Variants in HSPA14 observed in about 807,000 individuals in gnomAD.
HSPA14 encodes the protein heat shock 70 kDa protein 14.
Under a neutral mutation model 65.5 loss-of-function variants are expected in HSPA14, and 37 were observed. That is an observed-to-expected ratio of 0.56 (90% CI 0.43 to 0.74). The LOEUF (loss-of-function observed/expected upper bound fraction) is 0.74. Among genes scored for constraint, HSPA14 ranks in the 30% least tolerant of loss-of-function variants. The pLI is 0.00. For synonymous variants in HSPA14, 203 were observed against 214.2 expected (o/e 0.95, Z 0.46); for missense variants, 564 against 607.6 (o/e 0.93, Z 0.75).
intron 10 of HSPA14, among the ~76,000 whole-genome samples, chr10:14,866,653 T>C (rs1220992233): frequency 6.6e-6 from 1 of 152,198 alleles, no homozygotes; most frequent in Non-Finnish European, 1.5e-5. Context: ...AATAAGTTTA[T>C]GGCATAGTTT....
intron 3 of HSPA14, chr10:14,846,420 C>A: frequency 6.1e-6 from 6 of 985,154 alleles, no homozygotes; most frequent in Non-Finnish European, 7.2e-6. Flanking sequence ...GGTAAAGTAA[C>A]CCTAATGTGG....
rs748227134 is a variant in HSPA14, at chr10:14,852,447, T to G, written c.650T>G (p.Val217Gly). 1.9e-6 allele frequency: 3 copies of G among 1,613,908 alleles called. No individual in the cohort carries two copies. Among genetic ancestry groups the G allele is most frequent in the Non-Finnish European group, 2.5e-6 (3 of 1,179,812 alleles). ...GAAGTTAACAGTGGAATATATCGGG[T>G]TCTTTCAACAAACACTGATGATAAC... The part of the protein sequence containing the change: ...VMEVNSGIYR[V>G]LSTNTDDNIG... Residue 217 changes from valine to glycine, a missense_variant, in exon 8 of 14, where the codon GTT (valine) becomes GGT (glycine). Physicochemically the swap from Val to Gly is moderately radical, Grantham distance 109. Coordinates refer to ENST00000378372, the MANE Select transcript of HSPA14 (RefSeq NM_016299.4).
intron 10 of HSPA14, among the ~76,000 whole-genome samples, chr10:14,865,202 T>A (rs1832794617): frequency 6.6e-6 from 1 of 152,198 alleles, no homozygotes; most frequent in South Asian, 2.1e-4. Flanking sequence ...GTTTGAGTTC[T>A]TTGTAGATTG....
In HSPA14 at chr10:14,842,704, A is replaced by G; in HGVS notation, c.221+2547A>G. ...GGGAAGAGGGAACCGGCATTCTAAA[A>G]TCAAAAAGGACTCAGGCAGCTGATC... On this transcript the variant is annotated intron_variant, in intron 3 of 13. Transcript: ENST00000378372. The surrounding 1 kb of genome is among the most constrained non-coding windows in gnomAD (Gnocchi z 5.2). 1 of 1,536,480 alleles carries G rather than the reference A, an allele frequency of 6.5e-7. No homozygotes were observed. Among genetic ancestry groups the G allele is most frequent in the Non-Finnish European group, 8.7e-7 (1 of 1,146,994 alleles).
Position 14,842,624 on chromosome 10 carries a change from G to A in HSPA14, c.221+2467G>A. On this transcript the variant is annotated intron_variant, in intron 3 of 13. Coordinates refer to ENST00000378372, the MANE Select transcript of HSPA14 (RefSeq NM_016299.4). The surrounding 1 kb of genome is among the most constrained non-coding windows in gnomAD (Gnocchi z 5.2). ...GACTGACCCAGACAACTTAATGGAGGATGCTGCTTGGGCCAAGCACTGTGA... is the reference window on the plus strand; with the variant it reads ...GACTGACCCAGACAACTTAATGGAGAATGCTGCTTGGGCCAAGCACTGTGA... 6.5e-7 allele frequency: 1 copy of A among 1,536,190 alleles called. No individual in the cohort carries two copies. The highest frequency in any genetic ancestry group is 8.7e-7 in the Non-Finnish European group (1 of 1,146,932).
intron 10 of HSPA14, among the ~76,000 whole-genome samples, chr10:14,859,582 C>T (rs1227533738): frequency 6.6e-6 from 1 of 152,144 alleles, no homozygotes; most frequent in African/African-American, 2.4e-5. Context: ...AGCCAAGTTC[C>T]TGGGTTCTGT....
chr10:14,871,621 C>G lies in HSPA14; in HGVS notation c.*15C>G. On this transcript the variant is annotated 3_prime_UTR_variant, in exon 14 of 14. Transcript: ENST00000378372. ...TAGCATCTTAGTGTTTTAGAGAAAT[C>G]AAGAATTTTTAAAAACAAGAATATC... 1 of 1,442,304 alleles carries G rather than the reference C, an allele frequency of 6.9e-7. No individual in the cohort carries two copies. The highest frequency in any genetic ancestry group is 9.5e-7 in the Non-Finnish European group (1 of 1,047,294). The allele number at this position is 1,442,304 out of a possible 1,614,324, so 89.3% of individuals were successfully genotyped here.
rs1440742188 is a variant in HSPA14, at chr10:14,839,909, G to T, written c.62G>T (p.Gly21Val). 2 of 1,612,282 alleles carry T rather than the reference G, an allele frequency of 1.2e-6. No individual in the cohort carries two copies. Among genetic ancestry groups the T allele is most frequent in the South Asian group, 2.2e-5 (2 of 90,990 alleles). Reference protein sequence around the residue: ...TSACVAVYKDGRAGVVANDAG... With the variant: ...TSACVAVYKDVRAGVVANDAG... ...ATTTCGTGTTTTTTTCTCTAGGATG[G>T]CCGGGCTGGTGTGGTTGCAAATGAT... The change falls in exon 2 of 14, where the codon GGC (glycine) becomes GTC (valine). Residue 21 changes from glycine (G) to valine (V), a missense_variant. Gly to Val is a moderately radical substitution (Grantham distance 109). Coordinates refer to ENST00000378372, the MANE Select transcript of HSPA14 (RefSeq NM_016299.4).
At chr10:14,854,000 G>T in intron 8 of HSPA14, 125 bp from the exon 9 acceptor site, 1 of 902,550 alleles carries the variant, frequency 1.1e-6, no homozygotes, top group Non-Finnish European at 1.6e-6. Context: ...TTACACGCGT[G>T]AGCCACCGCA....
chr10:14,855,991 T>G, intron 10 of HSPA14, 48 bp downstream of exon 10: 2 of 1,076,636 alleles, frequency 1.9e-6, no homozygotes, highest in Non-Finnish European at 2.9e-6. Context: ...AGTTTCAGAC[T>G]TGGAATTTAG....
intron 3 of HSPA14, chr10:14,844,327 A>G (rs1357507106): frequency 1.9e-6 from 2 of 1,046,116 alleles, no homozygotes; most frequent in African/African-American, 1.7e-5. Context: ...TTATTAATTC[A>G]TATGGCCTTG....
chr10:14,854,082 G>A, intron 8 of HSPA14, 43 bp from the exon 9 acceptor site: 1 of 1,497,364 alleles, frequency 6.7e-7, no homozygotes, highest in Non-Finnish European at 9.0e-7. Context: ...TATTGTAAAT[G>A]GCCCAGTAAT....
intron 3 of HSPA14, chr10:14,844,537 G>A: frequency 4.1e-6 from 4 of 986,856 alleles, no homozygotes; most frequent in Non-Finnish European, 4.8e-6. Flanking sequence ...CATTTCCACT[G>A]CTGTGTATCT....
intron 10 of HSPA14, among the ~76,000 whole-genome samples, chr10:14,860,667 C>T (rs947138133): frequency 1.3e-5 from 2 of 151,918 alleles, no homozygotes; most frequent in Non-Finnish European, 2.9e-5. Flanking sequence ...GCCAGGGAGA[C>T]GGTGGACAGA....
chr10:14,855,376 A>T (rs553011490), intron 9 of HSPA14, among the ~76,000 whole-genome samples: 1 of 152,302 alleles, frequency 6.6e-6, no homozygotes, highest in Non-Finnish European at 1.5e-5. Flanking sequence ...CGGAGGGGCT[A>T]AACTTATGTC....
chr10:14,862,372 TTTTC>T (rs1264212336), intron 10 of HSPA14, among the ~76,000 whole-genome samples: 4 of 145,888 alleles, frequency 2.7e-5, no homozygotes, highest in East Asian at 2.0e-4. Context: ...CTTTCTTTTC[TTTTC>T]TTTTTTTTTT....
At position 14,852,431 on chromosome 10, in the gene HSPA14, A is replaced by G; in HGVS notation, c.634A>G (p.Ser212Gly). The change falls in exon 8 of 14, where the codon AGT becomes GGT. Residue 212 changes from serine (S) to glycine (G), a missense_variant. Ser to Gly is a moderately conservative substitution (Grantham distance 56). Coordinates refer to ENST00000378372, the MANE Select transcript of HSPA14 (RefSeq NM_016299.4). Reference protein sequence around the residue: ...SLSLSVMEVNSGIYRVLSTNT... With the variant: ...SLSLSVMEVNGGIYRVLSTNT... Reference sequence around the variant, plus strand: ...ATCTCTCAGCGTCATGGAAGTTAACAGTGGAATATATCGGGTTCTTTCAAC... The same window carrying G: ...ATCTCTCAGCGTCATGGAAGTTAACGGTGGAATATATCGGGTTCTTTCAAC... 1 of 1,613,958 alleles carries G rather than the reference A, an allele frequency of 6.2e-7. No individual in the cohort carries two copies. The highest frequency in any genetic ancestry group is 1.3e-5 in the African/African-American group (1 of 75,060).
intron 8 of HSPA14, among the ~76,000 whole-genome samples, chr10:14,853,785 T>G (rs548253981): frequency 6.6e-6 from 1 of 152,222 alleles, no homozygotes; most frequent in Non-Finnish European, 1.5e-5. Flanking sequence ...AGTGGTGCAA[T>G]CTCGGCTCAC....
intron 12 of HSPA14, among the ~76,000 whole-genome samples, chr10:14,868,665 T>C (rs1271410528): frequency 6.6e-6 from 1 of 152,210 alleles, no homozygotes; most frequent in African/African-American, 2.4e-5. Flanking sequence ...AAAATATCTA[T>C]AGGTACTTAA....
Sources: allele counts gnomAD v4.1 joint callset (sites outside exome capture counted in the v4.1 genomes callset), GRCh38; gene constraint gnomAD v4.1.1; non-coding constraint Gnocchi (gnomAD v3.1); transcripts MANE v1.5; gene names NCBI Gene and HGNC (gene_info 2026-07-23, HGNC 2026-07-21).